COL24A1: variants seen among roughly 807,000 people sequenced by gnomAD.
The protein encoded by COL24A1 is collagen alpha-1(XXIV) chain.
A neutral mutation model predicts 253.9 loss-of-function variants in COL24A1; 224 were observed. The observed-to-expected ratio is 0.88, with a 90% CI of 0.79 to 0.99. The LOEUF (loss-of-function observed/expected upper bound fraction) is 0.99, where lower values mean the gene tolerates loss of function less well. Ranked by LOEUF, COL24A1 falls within the 50% of genes least tolerant of loss-of-function variation. The pLI is 0.00. For missense variants in COL24A1, 2,131 were observed against 2,068.5 expected, an observed-to-expected ratio of 1.03 and a Z score of -0.59; for synonymous variants, 685 against 673.7, an observed-to-expected ratio of 1.02 and a Z score of -0.26.
intron 43 of COL24A1, among the ~76,000 whole-genome samples, chr1:85,834,614 C>T (rs1201468857): frequency 6.6e-6 from 1 of 152,156 alleles, no homozygotes; most frequent in Non-Finnish European, 1.5e-5. Flanking sequence ...CCCCCCTCCG[C>T]CCACAGCAAA....
chr1:86,145,746 C>A (rs77740385), intron 2 of COL24A1, among the ~76,000 whole-genome samples: 3 of 151,886 alleles, frequency 2.0e-5, no homozygotes, highest in East Asian at 1.9e-4. Flanking sequence ...CAAATCTGGA[C>A]GGAACATTTT....
chr1:85,964,507 A>G (rs1226919290), intron 23 of COL24A1, among the ~76,000 whole-genome samples: 2 of 152,134 alleles, frequency 1.3e-5, no homozygotes, highest in Non-Finnish European at 2.9e-5. Context: ...ATTGCCCTGT[A>G]TGTAACACAC....
intron 43 of COL24A1, among the ~76,000 whole-genome samples, chr1:85,832,082 C>G (rs552345890): frequency 1.3e-5 from 2 of 152,026 alleles, no homozygotes; most frequent in South Asian, 4.2e-4. Flanking sequence ...AGTCTTTAAT[C>G]CATCTTGAAT....
At chr1:86,109,593 A>G (rs1571949422) in intron 5 of COL24A1, among the ~76,000 whole-genome samples, 1 of 152,298 alleles carries the variant, frequency 6.6e-6, no homozygotes, top group Admixed American at 6.5e-5. Flanking sequence ...TCAGACTCCA[A>G]AAATTCTATT....
intron 39 of COL24A1, among the ~76,000 whole-genome samples, chr1:85,844,028 A>G (rs369777664): frequency 3.9e-5 from 6 of 152,110 alleles, no homozygotes; most frequent in African/African-American, 1.2e-4. Flanking sequence ...AAAAAACAGT[A>G]AGAAAGCTAT....
intron 37 of COL24A1, among the ~76,000 whole-genome samples, chr1:85,857,458 C>CAA (rs57368737): frequency 1.9e-4 from 18 of 94,454 alleles, no homozygotes; most frequent in African/African-American, 6.7e-4. Context: ...CCCTCTTCTC[C>CAA]AAAAAAAAAA....
intron 24 of COL24A1, among the ~76,000 whole-genome samples, chr1:85,955,887 T>G (rs115583523): frequency 6.6e-6 from 1 of 152,226 alleles, no homozygotes; most frequent in Admixed American, 6.5e-5. Context: ...ATTTTCATAA[T>G]TCTCAGAGGC....
At chr1:86,003,997 A>C (rs532684) in intron 19 of COL24A1, among the ~76,000 whole-genome samples, 27,642 of 152,122 alleles carry the variant, frequency 0.18, 3,197 homozygotes, top group African/African-American at 0.32. Flanking sequence ...ATGAGTATCA[A>C]ATGAATGGAG....
chr1:86,143,022 G>C (rs1158401753), intron 2 of COL24A1, among the ~76,000 whole-genome samples: 1 of 152,162 alleles, frequency 6.6e-6, no homozygotes, highest in Non-Finnish European at 1.5e-5. Context: ...TTCAAATTCT[G>C]AGGGAATAAT....
chr1:85,734,999 T>A, intron 58 of COL24A1, 35 bp from the exon 59 acceptor site: 2 of 1,594,914 alleles, frequency 1.3e-6, no homozygotes, highest in Non-Finnish European at 1.7e-6. Context: ...GGTTATAACA[T>A]GGCAATTGAG....
At chr1:85,885,002 G>A (rs752907848) in intron 32 of COL24A1, among the ~76,000 whole-genome samples, 5 of 152,036 alleles carry the variant, frequency 3.3e-5, no homozygotes, top group Non-Finnish European at 7.4e-5. Context: ...AGTTTAAAGT[G>A]TCCCTACTGT....
intron 7 of COL24A1, among the ~76,000 whole-genome samples, chr1:86,087,794 A>C (rs911048091): frequency 2.6e-5 from 4 of 152,216 alleles, no homozygotes; most frequent in African/African-American, 9.6e-5. Context: ...CTGTATATCA[A>C]GATCAATTCT....
At chr1:85,772,748 C>G (rs1463597599) in intron 53 of COL24A1, among the ~76,000 whole-genome samples, 1 of 152,008 alleles carries the variant, frequency 6.6e-6, no homozygotes, top group African/African-American at 2.4e-5. Flanking sequence ...TGTTTAAGTT[C>G]TTTGTAGATT....
At position 85,827,473 on chromosome 1, in the gene COL24A1, A is replaced by G. The variant is rs568998118; in HGVS notation, c.3682-3735T>C. 9.9e-5 allele frequency among the ~76,000 whole-genome samples: 15 copies of G among 151,452 alleles called. No homozygotes were observed. The East Asian group carries it at 1.2e-3, about 12-fold the overall frequency. ...GTTAGGGAGGATTCCCTCTTTTTCT[A>G]TTGATTGGAATAGTTTCAGAAGGAA... On this transcript the variant is annotated intron_variant, in intron 43 of 59. Transcript: ENST00000370571.
chr1:85,761,814 C>G (rs1470657360), intron 53 of COL24A1, among the ~76,000 whole-genome samples: 1 of 152,130 alleles, frequency 6.6e-6, no homozygotes, highest in Non-Finnish European at 1.5e-5. Context: ...TTTTAATAAA[C>G]TATTATAAAT....
chr1:85,758,057 G>A (rs1223118595), intron 55 of COL24A1, among the ~76,000 whole-genome samples: 3 of 152,072 alleles, frequency 2.0e-5, no homozygotes, highest in Non-Finnish European at 4.4e-5. Context: ...ATTATACTTT[G>A]GGAGAATGTA....
At position 86,125,929 on chromosome 1, in the gene COL24A1, T is replaced by G; in HGVS notation, c.407A>C (p.Gln136Pro). 6.2e-7 allele frequency: 1 copy of G among 1,613,464 alleles called. No homozygotes were observed. The highest frequency in any genetic ancestry group is 1.3e-5 in the African/African-American group (1 of 75,002). Residue 136 changes from glutamine (Q) to proline (P), a missense_variant, in exon 3 of 60, where the codon CAA becomes CCA. Gln to Pro is a moderately conservative substitution (Grantham distance 76, BLOSUM62 -1). Coordinates refer to ENST00000370571, the MANE Select transcript of COL24A1 (RefSeq NM_152890.7). ...RNKNRLQLGV[Q>P]LLPKKLVVHI... ...TACTACTAATTTTTTAGGTAGTAAT[T>G]GTACTCCTAATTGCAGTCTATTTTT...
intron 12 of COL24A1, among the ~76,000 whole-genome samples, chr1:86,039,280 A>C (rs993872050): frequency 6.6e-6 from 1 of 152,192 alleles, no homozygotes; most frequent in African/African-American, 2.4e-5. Flanking sequence ...AGGCCTGAAT[A>C]CATGTATGTG....
At chr1:85,805,255 T>C (rs1468101610) in intron 47 of COL24A1, among the ~76,000 whole-genome samples, 1 of 151,926 alleles carries the variant, frequency 6.6e-6, no homozygotes, top group Non-Finnish European at 1.5e-5. Context: ...GTCACTTGCA[T>C]GGAAAGTGAA....
Sources: gnomAD v4.1 joint callset for allele counts (sites outside exome capture counted in the v4.1 genomes callset) on GRCh38, gnomAD v4.1.1 for gene constraint, MANE v1.5 for transcripts, NCBI Gene and HGNC (gene_info 2026-07-23, HGNC 2026-07-21) for gene names.